The following CA8 variants were observed in gnomAD, a reference collection of about 807,000 sequenced individuals.
CA8 encodes the protein carbonic anhydrase-related protein.
A neutral mutation model predicts 41.4 loss-of-function variants in CA8; 22 were observed. The observed-to-expected ratio is 0.53, with a 90% CI of 0.38 to 0.76. The LOEUF (loss-of-function observed/expected upper bound fraction) is 0.76, where lower values mean the gene tolerates loss of function less well. CA8 is among the 30% of genes least tolerant of loss of function. The pLI, the probability that CA8 is intolerant of heterozygous loss-of-function variation, is 0.00. For synonymous variants in CA8, 121 were observed against 130.6 expected, an observed-to-expected ratio of 0.93 and a Z score of 0.50; for missense variants, 270 against 352.8, an observed-to-expected ratio of 0.77 and a Z score of 1.88.
chr8:60,280,770 C>G (rs946237736), intron 1 of CA8, among the ~76,000 whole-genome samples: 4 of 152,260 alleles, frequency 2.6e-5, no homozygotes, highest in Admixed American at 6.5e-5. Flanking sequence ...GGAGGCTAGC[C>G]CGCCCTCCGG....
rs546162939 is a variant in CA8, at chr8:60,219,929, T to TAAAAAAA, written c.738+2713_738+2719dup. 5.7e-4 allele frequency among the ~76,000 whole-genome samples: 47 copies of TAAAAAAA among 82,006 alleles called. 3 individuals are homozygous for TAAAAAAA. Among genetic ancestry groups the TAAAAAAA allele is most frequent in the African/African-American group, 1.8e-3 (37 of 21,018 alleles). 53.8% of individuals were successfully genotyped at this position (82,006 alleles called of 152,430 possible). On this transcript the variant is annotated intron_variant, in intron 7 of 8. Coordinates refer to ENST00000317995, the MANE Select transcript of CA8 (RefSeq NM_004056.6). The stretch of plus-strand genomic sequence containing the variant: ...CTCTAGTATTTCCTAAATCTTAACT[T>TAAAAAAA]AAAAAAAAAAAAAAAAAAAAAAAAC...
chr8:60,217,118 A>G (rs1807047748), intron 7 of CA8, among the ~76,000 whole-genome samples: 1 of 152,180 alleles, frequency 6.6e-6, no homozygotes, highest in Non-Finnish European at 1.5e-5. Flanking sequence ...TCCTGACCTC[A>G]GGTGATCCGT....
At chr8:60,256,959 G>A (rs1036272619) in intron 3 of CA8, among the ~76,000 whole-genome samples, 2 of 151,864 alleles carry the variant, frequency 1.3e-5, no homozygotes, top group East Asian at 1.9e-4. Context: ...GTAACAAAAC[G>A]TTTTTTGTTT....
intron 4 of CA8, among the ~76,000 whole-genome samples, chr8:60,231,328 T>C (rs1807639623): frequency 6.6e-6 from 1 of 152,222 alleles, no homozygotes; most frequent in Non-Finnish European, 1.5e-5. Context: ...TGCAAGATGC[T>C]GATTTTAAAA....
chr8:60,258,514 C>A, intron 3 of CA8, among the ~76,000 whole-genome samples: 1 of 152,128 alleles, frequency 6.6e-6, no homozygotes, highest in East Asian at 1.9e-4. Flanking sequence ...TCATGGAAGA[C>A]AATTTTTCCA....
chr8:60,242,769 G>A (rs746002255), intron 3 of CA8, among the ~76,000 whole-genome samples: 5 of 152,228 alleles, frequency 3.3e-5, no homozygotes, highest in Non-Finnish European at 5.9e-5. Context: ...AGAAAATACA[G>A]AGCAAGTGCT....
intron 3 of CA8, among the ~76,000 whole-genome samples, chr8:60,234,706 T>C (rs1310387107): frequency 6.6e-6 from 1 of 152,126 alleles, no homozygotes; most frequent in Non-Finnish European, 1.5e-5. Context: ...CTCCCACGCA[T>C]CCTTCACTCT....
At position 60,232,351 on chromosome 8, in the gene CA8, A is replaced by C. The variant is rs752814536; in HGVS notation, c.446T>G (p.Leu149Arg). ...CACAGCCTCATCAATGCTGCCAAAC[A>C]GAGTGGAGTTCCAGTGGATCAGATG... ...ELHLIHWNST[L>R]FGSIDEAVGK... Residue 149 changes from leucine to arginine, a missense_variant, in exon 4 of 9, where the codon CTG (leucine) becomes CGG (arginine). By Grantham distance (102) the Leu-to-Arg change is moderately radical. Transcript: ENST00000317995. 7 of 1,613,946 alleles carry C rather than the reference A, an allele frequency of 4.3e-6. No homozygotes were observed. Among genetic ancestry groups the C allele is most frequent in the Non-Finnish European group, 5.9e-6 (7 of 1,179,908 alleles).
rs778774993 is a variant in CA8 at position 60,206,943 on chromosome 8, G to GA, written c.*35+1806dup. ...AGTTCTATTTCTTTTGTTTAAAAAA[G>GA]AAAAAAAAAAAGACTTCTTCAATCC... On this transcript the variant is annotated intron_variant, in intron 8 of 8. Coordinates refer to ENST00000317995, the MANE Select transcript of CA8 (RefSeq NM_004056.6). Among the ~76,000 whole-genome samples, 52 of 141,930 alleles carry GA rather than the reference G, an allele frequency of 3.7e-4. 1 individual carries two copies. Among genetic ancestry groups the GA allele is most frequent in the East Asian group, 1.4e-3 (7 of 4,868 alleles). The allele number at this position is 141,930 out of a possible 152,430, so 93.1% of individuals were successfully genotyped here.
intron 2 of CA8, 53 bp downstream of exon 2, chr8:60,279,636 C>T: frequency 3.4e-6 from 5 of 1,468,530 alleles, no homozygotes; most frequent in Non-Finnish European, 4.8e-6. Flanking sequence ...AGTTCAATAA[C>T]TCTACGCTGA....
At chr8:60,280,841 G>GGAGAGCGCAGGCGGCGT (rs1201473249) in intron 1 of CA8, among the ~76,000 whole-genome samples, 7 of 152,216 alleles carry the variant, frequency 4.6e-5, no homozygotes. Flanking sequence ...GCAGGCGGCG[G>GGAGAGCGCAGGCGGCGT]AAGAGCGCAG....
At chr8:60,276,680 AC>A (rs750668159) in intron 2 of CA8, among the ~76,000 whole-genome samples, 55 of 152,344 alleles carry the variant, frequency 3.6e-4, no homozygotes, top group Admixed American at 7.2e-4. Context: ...TGACAGTTAC[AC>A]TAAAAGCCCG....
chr8:60,241,054 T>C (rs965071911), intron 3 of CA8, among the ~76,000 whole-genome samples: 1 of 152,204 alleles, frequency 6.6e-6, no homozygotes, highest in Admixed American at 6.5e-5. Context: ...GCACCATCTC[T>C]TTCCAGATCC....
At chr8:60,259,780 C>T (rs148101609) in intron 3 of CA8, among the ~76,000 whole-genome samples, 229 of 148,804 alleles carry the variant, frequency 1.5e-3, no homozygotes, top group African/African-American at 5.5e-3. Context: ...GGAGATTCTG[C>T]AATCATGACT....
At chr8:60,278,927 G>A (rs1804325056) in intron 2 of CA8, among the ~76,000 whole-genome samples, 1 of 152,084 alleles carries the variant, frequency 6.6e-6, no homozygotes, top group Non-Finnish European at 1.5e-5. Context: ...AAAAGAAAAA[G>A]ACAGTTATTA....
chr8:60,252,608 G>A (rs913252280), intron 3 of CA8, among the ~76,000 whole-genome samples: 1 of 152,100 alleles, frequency 6.6e-6, no homozygotes, highest in African/African-American at 2.4e-5. Flanking sequence ...ACCCTACCTA[G>A]AGCTAAGGAT....
At chr8:60,232,487 C>T (rs538581020) in intron 3 of CA8, 108 bp from the exon 4 acceptor site, 2 of 803,874 alleles carry the variant, frequency 2.5e-6, no homozygotes, top group African/African-American at 1.7e-5. Context: ...TCACATACCA[C>T]AAGAGGATCA....
intron 3 of CA8, among the ~76,000 whole-genome samples, chr8:60,246,290 T>G (rs1049750650): frequency 1.3e-5 from 2 of 148,390 alleles, no homozygotes; most frequent in African/African-American, 2.5e-5. Flanking sequence ...CTGGGGGGGG[T>G]TGAGTTTGTT....
At chr8:60,207,563 A>G (rs1806670974) in intron 8 of CA8, among the ~76,000 whole-genome samples, 1 of 152,124 alleles carries the variant, frequency 6.6e-6, no homozygotes, top group African/African-American at 2.4e-5. Flanking sequence ...CAGGGTTTCC[A>G]AAGTGTAAGA....
Sources: gnomAD v4.1 joint callset for allele counts (sites outside exome capture counted in the v4.1 genomes callset) on GRCh38, gnomAD v4.1.1 for gene constraint, MANE v1.5 for transcripts, NCBI Gene and HGNC (gene_info 2026-07-23, HGNC 2026-07-21) for gene names.